Variants in ACE observed in about 807,000 individuals in gnomAD.
ACE encodes the protein angiotensin-converting enzyme.
ACE carries 122 observed loss-of-function variants against 162.3 expected under a neutral mutation model. That is an observed-to-expected ratio of 0.75 (90% CI 0.65 to 0.87). ACE has a LOEUF of 0.87. Among genes scored for constraint, ACE ranks in the 40% least tolerant of loss-of-function variants. ACE has a pLI of 0.00. For missense variants in ACE, 1,799 were observed against 1,735.1 expected, an observed-to-expected ratio of 1.04 and a Z score of -0.65; for synonymous variants, 796 against 720.6, an observed-to-expected ratio of 1.10 and a Z score of -1.68.
Position 63,484,876 on chromosome 17 carries a change from G to C in ACE, c.1921+335G>C, listed in dbSNP as rs1178827928. On this transcript the variant is annotated intron_variant, in intron 12 of 24. Coordinates refer to ENST00000290866, the MANE Select transcript of ACE (RefSeq NM_000789.4). The surrounding 1 kb of genome is among the most constrained non-coding windows in gnomAD (Gnocchi z 4.0). ...TCTGCTCTCCTGCGGCCATGGGCCA[G>C]GGTTGGGCTACTGCAGGACTTCCCA... 1 of 1,585,728 alleles carries C rather than the reference G, an allele frequency of 6.3e-7. No individual in the cohort carries two copies. The highest frequency in any genetic ancestry group is 1.3e-5 in the African/African-American group (1 of 74,398).
rs770475936 is a variant in ACE at position 63,482,493 on chromosome 17, G to A, written c.1146G>A (p.Met382Ile). ...FRIKQCTRVT[M>I]DQLSTVHHEM... ...TCAAGCAGTGCACACGGGTCACGAT[G>A]GACCAGCTCTCCACAGTGCACCATG... The change falls in exon 8 of 25, where the codon ATG becomes ATA. Residue 382 changes from methionine to isoleucine, a missense_variant. Met to Ile is a conservative substitution (Grantham distance 10). Coordinates refer to ENST00000290866, the MANE Select transcript of ACE (RefSeq NM_000789.4). The A allele has an allele frequency of 1.9e-6, 3 of 1,613,970 alleles. No homozygotes were observed. In the South Asian group the frequency reaches 3.3e-5, roughly 18 times the overall value.
At chr17:63,480,675 G>A in intron 5 of ACE, 147 bp downstream of exon 5, 1 of 932,016 alleles carries the variant, frequency 1.1e-6, no homozygotes, top group Middle Eastern at 2.7e-4. Context: ...TCACATGCAG[G>A]AGACCATTCG....
chr17:63,488,912 G>T (rs1302113211), intron 16 of ACE, 29 bp from the exon 17 acceptor site: 1 of 1,613,888 alleles, frequency 6.2e-7, no homozygotes, highest in Admixed American at 1.7e-5. Flanking sequence ...ATGTGGTGTT[G>T]GGAGAGCCTG....
At chr17:63,481,484 G>T in intron 6 of ACE, 82 bp from the exon 7 acceptor site, 1 of 1,501,400 alleles carries the variant, frequency 6.7e-7, no homozygotes, top group Non-Finnish European at 9.1e-7. Context: ...ACAGGGAGTT[G>T]ACCCGAGATG....
At chr17:63,488,373 A>G (rs1015268537) in intron 15 of ACE, among the ~76,000 whole-genome samples, 1 of 149,316 alleles carries the variant, frequency 6.7e-6, no homozygotes, top group African/African-American at 2.5e-5. Context: ...AAAAAAAAAA[A>G]AAAAAAAAGG....
chr17:63,481,761 T>A lies in ACE; in HGVS notation c.1118+23T>A, dbSNP rs772566779. 6.2e-6 allele frequency: 10 copies of A among 1,613,586 alleles called. No individual in the cohort carries two copies. In the Admixed American group the frequency reaches 1.0e-4, roughly 16 times the overall value. ...CAGGTTCAGACATGGGAAGAGCACG[T>A]TCTGGGGTTCCCCGGTTCTGGGGCC... On this transcript the variant is annotated intron_variant, in intron 7 of 24. Transcript: ENST00000290866.
chr17:63,477,099 G>T lies in ACE; in HGVS notation c.5G>T (p.Gly2Val), dbSNP rs558593002. 1,008 of 1,309,736 alleles carry T rather than the reference G, an allele frequency of 7.7e-4. 11 individuals carry two copies. In the African/African-American group the frequency reaches 0.014, roughly 18 times the overall value. The allele number at this position is 1,309,736 out of a possible 1,614,324, so 81.1% of individuals were successfully genotyped here. The part of the protein sequence containing the change: M[G>V]AASGRRGPGL... ...CCGAGCACCGCGCACCGCGTCATGG[G>T]GGCCGCCTCGGGCCGCCGGGGGCCG... is the stretch of plus-strand genomic sequence containing the variant. Residue 2 changes from glycine to valine, a missense_variant, in exon 1 of 25, where the codon GGG becomes GTG. By Grantham distance (109) the Gly-to-Val change is moderately radical. Coordinates refer to ENST00000290866, the MANE Select transcript of ACE (RefSeq NM_000789.4).
chr17:63,493,788 C>A, intron 20 of ACE, 129 bp downstream of exon 20: 1 of 1,513,312 alleles, frequency 6.6e-7, no homozygotes, highest in Non-Finnish European at 9.1e-7. Context: ...AGGAAGGGAG[C>A]CACCCAGACC....
intron 13 of ACE, chr17:63,485,772 CAAAA>C (rs781292581): frequency 6.3e-4 from 61 of 96,298 alleles, no homozygotes; most frequent in South Asian, 1.9e-3. Flanking sequence ...GAGACTCCAT[CAAAA>C]AAAAAAAAAA....
At chr17:63,481,234 G>GGGGGCCGGGGGGGGCC in intron 6 of ACE, 46 bp downstream of exon 6, 3 of 624,000 alleles carry the variant, frequency 4.8e-6, no homozygotes, top group East Asian at 3.9e-5. Context: ...CGGGGGTGGG[G>GGGGGCCGGGGGGGGCC]CGCAAAAAAA....
chr17:63,496,669 T>A, intron 23 of ACE, 129 bp from the exon 24 acceptor site: 2 of 1,570,514 alleles, frequency 1.3e-6, no homozygotes, highest in Non-Finnish European at 1.7e-6. Flanking sequence ...TGCCATCTCC[T>A]TAGGCACCTG....
chr17:63,489,217 G>A (rs2030209495), intron 17 of ACE, 85 bp downstream of exon 17: 17 of 1,504,260 alleles, frequency 1.1e-5, no homozygotes, highest in Non-Finnish European at 1.3e-5. Context: ...TAGAGGGTAG[G>A]GAGCAGGCTG....
In ACE at chr17:63,493,438, T is replaced by C. The variant is rs2030513778; in HGVS notation, c.2915T>C (p.Ile972Thr). The change falls in exon 20 of 25, where the codon ATC (isoleucine) becomes ACC (threonine). Residue 972 changes from isoleucine to threonine, a missense_variant and splice_region_variant. Ile to Thr is a moderately conservative substitution (Grantham distance 89, BLOSUM62 -1). Coordinates refer to ENST00000290866, the MANE Select transcript of ACE (RefSeq NM_000789.4). ...WDFYNGKDFR[I>T]KQCTTVNLED... is the part of the protein sequence containing the mutation. ...CTCCCCCACTCCACTATTCCTAGGA[T>C]CAAGCAGTGCACCACCGTGAACTTG... 1.2e-6 allele frequency: 2 copies of C among 1,613,884 alleles called. No individual in the cohort carries two copies. The highest frequency in any genetic ancestry group is 1.7e-6 in the Non-Finnish European group (2 of 1,179,962).
In ACE at chr17:63,479,775, C is replaced by A; in HGVS notation, c.518C>A (p.Thr173Asn). Residue 173 changes from threonine (T) to asparagine (N), a missense_variant, in exon 4 of 25, where the codon ACC (threonine) becomes AAC (asparagine). Transcript: ENST00000290866. Reference protein sequence around the residue: ...ATCWSLDPDLTNILASSRSYA... With the variant: ...ATCWSLDPDLNNILASSRSYA... ...CTGCCTGCCTGTGTCTCAGATCTCA[C>A]CAACATCCTGGCTTCCTCGCGAAGC... 6.2e-7 allele frequency: 1 copy of A among 1,613,352 alleles called. No individual in the cohort carries two copies. The highest frequency in any genetic ancestry group is 8.5e-7 in the Non-Finnish European group (1 of 1,180,026).
chr17:63,483,582 A>AC, intron 10 of ACE, 24 bp downstream of exon 10: 1 of 810,054 alleles, frequency 1.2e-6, no homozygotes, highest in Non-Finnish European at 1.7e-6. Flanking sequence ...CACCCCACCC[A>AC]CCCCCAGTAC....
Position 63,483,567 on chromosome 17 carries a change from G to GCGGGGGGGCCCCCCC in ACE, c.1586+10_1586+11insGGGGGGGCCCCCCCC. The GCGGGGGGGCCCCCCC allele has an allele frequency of 2.5e-6, 4 of 1,589,350 alleles. No individual in the cohort carries two copies. Among genetic ancestry groups the GCGGGGGGGCCCCCCC allele is most frequent in the Non-Finnish European group, 3.4e-6 (4 of 1,165,538 alleles). ...GTGACACCATACATCAGGTATTAGC[G>GCGGGGGGGCCCCCCC]CCCCCACCCCACCCACCCCCAGTAC... On this transcript the variant is annotated intron_variant, in intron 10 of 24. Coordinates refer to ENST00000290866, the MANE Select transcript of ACE (RefSeq NM_000789.4).
At chr17:63,494,235 G>A (rs2030585301) in intron 21 of ACE, 137 bp from the exon 22 acceptor site, 1 of 1,252,452 alleles carries the variant, frequency 8.0e-7, no homozygotes, top group Non-Finnish European at 1.1e-6. Flanking sequence ...GGGTGATTGT[G>A]CACAGAGGCC....
Position 63,497,620 on chromosome 17 carries a change from A to C in ACE, c.*254A>C. On this transcript the variant is annotated 3_prime_UTR_variant, in exon 25 of 25. Transcript: ENST00000290866. ...TACAATTAAAGGTCCTGCCCTCCCC[A>C]TCTGAGTCTGTGTCCCTCACAGGGA... 1.6e-5 allele frequency: 11 copies of C among 672,484 alleles called. No individual in the cohort carries two copies. The highest frequency in any genetic ancestry group is 5.6e-5 in the East Asian group (2 of 35,736). The allele number at this position is 672,484 out of a possible 1,614,324, so 41.7% of individuals were successfully genotyped here. A position where few individuals can be genotyped will look rare whatever the true frequency, so the allele number is the denominator to read the frequency against.
rs758874020 is a variant in ACE at position 63,488,709 on chromosome 17, C to G, written c.2367C>G (p.Gly789=). ...KYEDLLWAWE[G]WRDKAGRAIL... Reference sequence around the variant, plus strand: ...AAGACCTGTTATGGGCATGGGAGGGCTGGCGAGACAAGGCGGGGAGAGCCA... The same window carrying G: ...AAGACCTGTTATGGGCATGGGAGGGGTGGCGAGACAAGGCGGGGAGAGCCA... Residue 789 remains glycine, a synonymous_variant, in exon 16 of 25, where the codon GGC becomes GGG. Transcript: ENST00000290866. 1 of 1,613,658 alleles carries G rather than the reference C, an allele frequency of 6.2e-7. No individual in the cohort carries two copies. The highest frequency in any genetic ancestry group is 8.5e-7 in the Non-Finnish European group (1 of 1,179,944).
Sources: gnomAD v4.1 joint callset for allele counts (sites outside exome capture counted in the v4.1 genomes callset) on GRCh38, gnomAD v4.1.1 for gene constraint, Gnocchi (gnomAD v3.1) non-coding constraint, MANE v1.5 for transcripts, NCBI Gene and HGNC (gene_info 2026-07-23, HGNC 2026-07-21) for gene names.